Variants in FSTL5 observed in about 807,000 individuals in gnomAD.
The protein encoded by FSTL5 is follistatin like 5.
Under a neutral mutation model 89.1 loss-of-function variants are expected in FSTL5, and 62 were observed. The ratio of observed to expected loss-of-function variants is 0.70; its 90% confidence interval spans 0.57 to 0.86. FSTL5 has a LOEUF of 0.86. Ranked by LOEUF, FSTL5 falls within the 40% of genes least tolerant of loss-of-function variation. The pLI, the probability that FSTL5 is intolerant of heterozygous loss-of-function variation, is 0.00. For synonymous variants in FSTL5, 383 were observed against 346.2 expected (o/e 1.11, Z -1.18); for missense variants, 1,057 against 1,001.6 (o/e 1.06, Z -0.75).
Position 161,920,588 on chromosome 4 carries a change from G to A in FSTL5, c.225C>T (p.His75=). 6.2e-7 allele frequency: 1 copy of A among 1,613,728 alleles called. No individual in the cohort carries two copies. Among genetic ancestry groups the A allele is most frequent in the Non-Finnish European group, 8.5e-7 (1 of 1,179,782 alleles). ...GCCCTGTCTCTCTGCTGGTAACACAGTGTCTTCCCAAACCACAGTACTTAT... is the reference window on the plus strand; with the variant it reads ...GCCCTGTCTCTCTGCTGGTAACACAATGTCTTCCCAAACCACAGTACTTAT... ...CENKYCGLGR[H]CVTSRETGQA... is the part of the protein sequence containing the mutation. The change falls in exon 4 of 16, where the codon CAC becomes CAT. Residue 75 remains histidine (H), a synonymous_variant. Coordinates refer to ENST00000306100, the MANE Select transcript of FSTL5 (RefSeq NM_020116.5).
intron 2 of FSTL5, among the ~76,000 whole-genome samples, chr4:162,042,687 T>C (rs969479781): frequency 2.0e-5 from 3 of 152,048 alleles, no homozygotes; most frequent in Non-Finnish European, 2.9e-5. Context: ...CTCCTCTCCA[T>C]AATAAATTAG....
At chr4:161,650,863 T>C (rs1736316519) in intron 7 of FSTL5, among the ~76,000 whole-genome samples, 1 of 152,130 alleles carries the variant, frequency 6.6e-6, no homozygotes, top group Non-Finnish European at 1.5e-5. Flanking sequence ...ATGTAGACAA[T>C]AATGTCTAAA....
chr4:161,411,322 C>T (rs1042478967), intron 15 of FSTL5, among the ~76,000 whole-genome samples: 1 of 151,838 alleles, frequency 6.6e-6, no homozygotes, highest in Admixed American at 6.6e-5. Flanking sequence ...GAGTTCCTTC[C>T]TAACTTATTC....
At chr4:162,016,410 CAACCCTA>C (rs1474578167) in intron 3 of FSTL5, among the ~76,000 whole-genome samples, 2 of 152,150 alleles carry the variant, frequency 1.3e-5, no homozygotes, top group Non-Finnish European at 2.9e-5. Flanking sequence ...AGAATCACAT[CAACCCTA>C]TGGAAAACAG....
intron 15 of FSTL5, among the ~76,000 whole-genome samples, chr4:161,445,037 A>C (rs1185652619): frequency 6.6e-6 from 1 of 152,012 alleles, no homozygotes; most frequent in Non-Finnish European, 1.5e-5. Flanking sequence ...TAACCTTAGC[A>C]ATAAGTACAA....
chr4:161,412,221 C>T lies in FSTL5; in HGVS notation c.1842-25772G>A, dbSNP rs755365549. The stretch of plus-strand genomic sequence containing the variant: ...AATTAATAGAAATACATTACATGCT[C>T]GTGGATGGGAAGAATCAATGTCATA... On this transcript the variant is annotated intron_variant, in intron 15 of 15. Transcript: ENST00000306100. 5.3e-5 allele frequency among the ~76,000 whole-genome samples: 8 copies of T among 152,026 alleles called. No individual in the cohort carries two copies. In the East Asian group the frequency reaches 5.8e-4, roughly 11 times the overall value.
intron 4 of FSTL5, among the ~76,000 whole-genome samples, chr4:161,905,760 G>A (rs79454296): frequency 0.046 from 7,064 of 152,134 alleles, 211 homozygotes; most frequent in Non-Finnish European, 0.07. Context: ...TTGTGAGAAC[G>A]ATTTCTTTTG....
intron 7 of FSTL5, among the ~76,000 whole-genome samples, chr4:161,632,797 A>G (rs1273076380): frequency 6.6e-6 from 1 of 152,234 alleles, no homozygotes; most frequent in Non-Finnish European, 1.5e-5. Context: ...CATTAATAAA[A>G]TATTCAAATA....
At chr4:161,789,987 T>TAA (rs1263901832) in intron 4 of FSTL5, among the ~76,000 whole-genome samples, 1 of 152,230 alleles carries the variant, frequency 6.6e-6, no homozygotes, top group African/African-American at 2.4e-5. Flanking sequence ...GTAACCGAAT[T>TAA]AATTTTCACC....
chr4:162,050,135 TGTA>T (rs1738331564), intron 2 of FSTL5, among the ~76,000 whole-genome samples: 2 of 151,904 alleles, frequency 1.3e-5, no homozygotes, highest in Non-Finnish European at 2.9e-5. Flanking sequence ...TTAAATAAGT[TGTA>T]AAATAAATTT....
At chr4:161,562,400 CAT>C in intron 8 of FSTL5, among the ~76,000 whole-genome samples, 1 of 151,910 alleles carries the variant, frequency 6.6e-6, no homozygotes, top group African/African-American at 2.4e-5. Context: ...TGAATCTGCC[CAT>C]CAATTTGGGG....
At chr4:162,119,968 C>A (rs1336285163) in intron 1 of FSTL5, among the ~76,000 whole-genome samples, 1 of 151,872 alleles carries the variant, frequency 6.6e-6, no homozygotes, top group Non-Finnish European at 1.5e-5. Context: ...CACTTTTTTT[C>A]TTAGTATGTG....
At chr4:162,131,074 A>G (rs775666391) in intron 1 of FSTL5, among the ~76,000 whole-genome samples, 8 of 152,162 alleles carry the variant, frequency 5.3e-5, no homozygotes, top group Non-Finnish European at 1.0e-4. Flanking sequence ...AATTATGCTC[A>G]TTGCAAATGT....
intron 2 of FSTL5, among the ~76,000 whole-genome samples, chr4:162,080,483 C>T (rs1029838898): frequency 2.0e-5 from 3 of 151,546 alleles, no homozygotes; most frequent in African/African-American, 7.3e-5. Context: ...TAGGTACTTA[C>T]ATAAAAACTT....
intron 6 of FSTL5, among the ~76,000 whole-genome samples, chr4:161,669,519 G>C (rs1460827951): frequency 6.6e-6 from 1 of 152,050 alleles, no homozygotes; most frequent in Non-Finnish European, 1.5e-5. Context: ...CTCTGACAAA[G>C]AGAAATGACA....
intron 7 of FSTL5, among the ~76,000 whole-genome samples, chr4:161,614,026 T>C (rs978061441): frequency 3.9e-5 from 6 of 152,134 alleles, no homozygotes; most frequent in Non-Finnish European, 7.4e-5. Flanking sequence ...GTTTAAATAA[T>C]AAAAACAATA....
chr4:161,622,415 A>G (rs1316358032), intron 7 of FSTL5, among the ~76,000 whole-genome samples: 1 of 152,128 alleles, frequency 6.6e-6, no homozygotes, highest in Admixed American at 6.5e-5. Context: ...AAAACATAAC[A>G]AACACATTAC....
intron 4 of FSTL5, among the ~76,000 whole-genome samples, chr4:161,836,806 A>T (rs1731058873): frequency 6.6e-6 from 1 of 152,128 alleles, no homozygotes. Flanking sequence ...AAGGAGATAT[A>T]TGAAGAGATA....
At chr4:161,823,804 C>A (rs1560865960) in intron 4 of FSTL5, among the ~76,000 whole-genome samples, 1 of 152,122 alleles carries the variant, frequency 6.6e-6, no homozygotes, top group Non-Finnish European at 1.5e-5. Context: ...GTTTGTTGGC[C>A]ATTTGTATAT....
Sources: allele counts gnomAD v4.1 joint callset (sites outside exome capture counted in the v4.1 genomes callset), GRCh38; gene constraint gnomAD v4.1.1; transcripts MANE v1.5; gene names NCBI Gene and HGNC (gene_info 2026-07-23, HGNC 2026-07-21).